The following ARHGEF11 variants were observed in gnomAD, a reference collection of about 807,000 sequenced individuals.
ARHGEF11 encodes Rho guanine nucleotide exchange factor 11.
A neutral mutation model predicts 193.7 loss-of-function variants in ARHGEF11; 55 were observed. The observed-to-expected ratio is 0.28, with a 90% CI of 0.23 to 0.36. The LOEUF is 0.36. Among genes scored for constraint, ARHGEF11 ranks in the 10% least tolerant of loss-of-function variants. ARHGEF11 has a pLI of 1.00. For synonymous variants in ARHGEF11, 693 were observed against 768.0 expected (o/e 0.90, Z 1.62); for missense variants, 1,723 against 2,005.6 (o/e 0.86, Z 2.69).
intron 30 of ARHGEF11, 141 bp from the exon 31 acceptor site, chr1:156,944,574 G>A (rs907736238): frequency 1.2e-5 from 10 of 851,290 alleles, no homozygotes; most frequent in Admixed American, 4.7e-5. Context: ...TCTCTTGTGC[G>A]GGATGAAGAC....
chr1:156,988,165 C>T (rs1665204968), intron 1 of ARHGEF11, among the ~76,000 whole-genome samples: 1 of 152,086 alleles, frequency 6.6e-6, no homozygotes, highest in Admixed American at 6.5e-5. Flanking sequence ...GCTCAAATAC[C>T]CAACTGAAAA....
rs753643018 is a variant in ARHGEF11, at chr1:156,978,284, T to C, written c.430A>G (p.Ile144Val). ...QDPSPAGAPR[I>V]TSVIPSPPPP... ...GGTGGTGAGGGGATCACTGACGTGA[T>C]TCGGGGAGCTCCTGCTGGGGATGGG... The change falls in exon 6 of 41, where the codon ATC (isoleucine) becomes GTC (valine). Residue 144 changes from isoleucine (I) to valine (V), a missense_variant. Transcript: ENST00000368194. The C allele has an allele frequency of 5.0e-6, 8 of 1,613,958 alleles. No homozygotes were observed. Among genetic ancestry groups the C allele is most frequent in the East Asian group, 2.2e-5 (1 of 44,880 alleles).
intron 11 of ARHGEF11, 24 bp downstream of exon 11, chr1:156,967,963 G>A (rs376699631): frequency 1.2e-6 from 2 of 1,613,202 alleles, no homozygotes; most frequent in African/African-American, 1.3e-5. Context: ...AAGGAAAACT[G>A]CAGGGTGGCT....
chr1:156,939,510 G>T, intron 37 of ARHGEF11, 38 bp downstream of exon 37: 9 of 1,603,742 alleles, frequency 5.6e-6, no homozygotes, highest in Non-Finnish European at 7.6e-6. Flanking sequence ...CCTAGCAAGG[G>T]TGCTTGTCTC....
chr1:156,979,618 C>T (rs1571338324), intron 4 of ARHGEF11, among the ~76,000 whole-genome samples: 1 of 152,150 alleles, frequency 6.6e-6, no homozygotes, highest in East Asian at 1.9e-4. Flanking sequence ...CCCGTCTTGG[C>T]CTCCCAAAGG....
rs201317924 is a variant in ARHGEF11 at position 156,947,745 on chromosome 1, G to A, written c.2341+24C>T. 2.2e-5 allele frequency: 36 copies of A among 1,610,208 alleles called. No individual in the cohort carries two copies. The African/African-American group carries it at 3.9e-4, about 17-fold the overall frequency. On this transcript the variant is annotated intron_variant, in intron 25 of 40. Transcript: ENST00000368194. Reference sequence around the variant, plus strand: ...TATTCCCACACGTGTGAGCGGAGCTGGGGGCAGTGGAGCACGTTCTCACCA... The same window carrying A: ...TATTCCCACACGTGTGAGCGGAGCTAGGGGCAGTGGAGCACGTTCTCACCA...
Position 156,994,392 on chromosome 1 carries a change from GT to G in ARHGEF11, c.33-8220del, listed in dbSNP as rs33948204. 2.2e-3 allele frequency among the ~76,000 whole-genome samples: 313 copies of G among 144,108 alleles called. 2 individuals carry two copies. The highest frequency in any genetic ancestry group is 7.5e-3 in the African/African-American group (293 of 39,062). 94.5% of individuals were successfully genotyped at this position (144,108 alleles called of 152,430 possible). ...CCCTCTGCAAATGGTTTTATTGTGT[GT>G]TTTTTTTTTTTTTCAGGTGTACAGT... On this transcript the variant is annotated intron_variant, in intron 1 of 40. Transcript: ENST00000368194.
chr1:156,994,889 G>A (rs1041082110), intron 1 of ARHGEF11, among the ~76,000 whole-genome samples: 5 of 152,106 alleles, frequency 3.3e-5, no homozygotes, highest in Non-Finnish European at 7.4e-5. Flanking sequence ...CACCTTCACT[G>A]ACACCTCAAA....
intron 1 of ARHGEF11, among the ~76,000 whole-genome samples, chr1:157,004,018 C>G (rs555207941): frequency 6.6e-6 from 1 of 152,298 alleles, no homozygotes; most frequent in African/African-American, 2.4e-5. Context: ...GTTTCTCTAC[C>G]TATGACTTAA....
chr1:157,027,435 G>T (rs1283567118), intron 1 of ARHGEF11, among the ~76,000 whole-genome samples: 1 of 152,030 alleles, frequency 6.6e-6, no homozygotes, highest in Non-Finnish European at 1.5e-5. Context: ...AGTATTGACA[G>T]ATACAGAGGC....
intron 1 of ARHGEF11, among the ~76,000 whole-genome samples, chr1:156,997,622 T>C (rs1436988171): frequency 6.6e-6 from 1 of 152,060 alleles, no homozygotes; most frequent in African/African-American, 2.4e-5. Flanking sequence ...ACACTGGGAG[T>C]ACCCTCTAGC....
chr1:156,943,370 T>C (rs1156575252), intron 32 of ARHGEF11, among the ~76,000 whole-genome samples: 1 of 152,194 alleles, frequency 6.6e-6, no homozygotes, highest in Non-Finnish European at 1.5e-5. Flanking sequence ...CAAGGGTTTA[T>C]AAAACTTTTT....
At chr1:156,958,680 C>A (rs1011958845) in intron 17 of ARHGEF11, 62 bp downstream of exon 17, 15 of 1,606,176 alleles carry the variant, frequency 9.3e-6, no homozygotes, top group Middle Eastern at 1.7e-4. Context: ...AAGAACAGAC[C>A]CACAAAATAT....
At chr1:157,046,890 A>T (rs1673361744), upstream of ARHGEF11, among the ~76,000 whole-genome samples, 1 of 151,592 alleles carries the variant, frequency 6.6e-6, no homozygotes, top group Non-Finnish European at 1.5e-5. Context: ...GCGTGCCTGT[A>T]ATCCCAGCTA....
intron 1 of ARHGEF11, among the ~76,000 whole-genome samples, chr1:157,043,744 G>A (rs1391706629): frequency 6.6e-6 from 1 of 152,190 alleles, no homozygotes; most frequent in African/African-American, 2.4e-5. Context: ...GTCAGCTACT[G>A]GTAAAAATCC....
chr1:156,978,766 C>T (rs955280028), intron 5 of ARHGEF11, among the ~76,000 whole-genome samples: 13 of 152,244 alleles, frequency 8.5e-5, no homozygotes, highest in Non-Finnish European at 1.3e-4. Context: ...CCCCAAACTT[C>T]CCACATTCTT....
chr1:156,960,909 G>A (rs1258768618), intron 14 of ARHGEF11, among the ~76,000 whole-genome samples: 3 of 152,170 alleles, frequency 2.0e-5, no homozygotes, highest in Non-Finnish European at 4.4e-5. Context: ...TGCTACACAA[G>A]TCCCTGACAC....
chr1:156,971,752 C>G lies in ARHGEF11; in HGVS notation c.647G>C (p.Arg216Pro). ...CAGCTGTAACTGAGTGACTCGCCGC[C>G]GGGCACCTTCGATCTGCTCTTCCAG... ...SLLEEQIEGARRRVTQLQLKI... is the reference protein window; with the variant it reads ...SLLEEQIEGAPRRVTQLQLKI... The change falls in exon 8 of 41, where the codon CGG becomes CCG. Residue 216 changes from arginine (R) to proline (P), a missense_variant. Arg to Pro is a moderately radical substitution (Grantham distance 103, BLOSUM62 -2). Around this residue, in one of 5 missense-constraint regions of ARHGEF11, gnomAD observed 646 missense variants for 710.7 expected, o/e 0.91. Transcript: ENST00000368194. 6.2e-7 allele frequency: 1 copy of G among 1,613,966 alleles called. No homozygotes were observed. Among genetic ancestry groups the G allele is most frequent in the Non-Finnish European group, 8.5e-7 (1 of 1,180,000 alleles).
At chr1:157,046,836 C>G (rs533432375), upstream of ARHGEF11, among the ~76,000 whole-genome samples, 19 of 149,842 alleles carry the variant, frequency 1.3e-4, 1 homozygote, top group South Asian at 4.1e-3. Flanking sequence ...ATGGTGAAAC[C>G]CCCCCCCTCT....
Sources: allele counts gnomAD v4.1 joint callset (sites outside exome capture counted in the v4.1 genomes callset), GRCh38; gene constraint gnomAD v4.1.1; regional missense constraint gnomAD v4.1.1; transcripts MANE v1.5; gene names NCBI Gene and HGNC (gene_info 2026-07-23, HGNC 2026-07-21).